SLC4A8: variants seen among roughly 807,000 people sequenced by gnomAD.
SLC4A8 encodes electroneutral sodium bicarbonate exchanger 1.
SLC4A8 carries 40 observed loss-of-function variants against 125.0 expected under a neutral mutation model. The ratio of observed to expected loss-of-function variants is 0.32; its 90% confidence interval spans 0.25 to 0.42. SLC4A8 has a LOEUF of 0.42. SLC4A8 is among the 10% of genes least tolerant of loss of function. The pLI is 1.00. For synonymous variants in SLC4A8, 456 were observed against 476.0 expected (o/e 0.96, Z 0.55); for missense variants, 863 against 1,355.1 (o/e 0.64, Z 5.70).
intron 7 of SLC4A8, among the ~76,000 whole-genome samples, chr12:51,458,875 G>A (rs1233120115): frequency 6.6e-6 from 1 of 152,174 alleles, no homozygotes; most frequent in Admixed American, 6.5e-5. Flanking sequence ...TCAACATACT[G>A]AAAACTGGGA....
chr12:51,481,924 A>G (rs2138365022), intron 16 of SLC4A8, among the ~76,000 whole-genome samples: 1 of 152,298 alleles, frequency 6.6e-6, no homozygotes, highest in Middle Eastern at 3.4e-3. Flanking sequence ...ACCGCACTCC[A>G]GCCTGGGCAA....
intron 1 of SLC4A8, among the ~76,000 whole-genome samples, chr12:51,410,914 G>A (rs547703308): frequency 1.6e-4 from 21 of 129,984 alleles, no homozygotes; most frequent in South Asian, 1.4e-3. Context: ...TCACTTTGTC[G>A]CCCAGGCTGG....
At chr12:51,493,086 GC>G (rs566771142) in intron 19 of SLC4A8, among the ~76,000 whole-genome samples, 96 of 152,054 alleles carry the variant, frequency 6.3e-4, no homozygotes, top group African/African-American at 2.2e-3. Context: ...GATTCTATAG[GC>G]CCAATTTCCC....
At chr12:51,489,298 T>C (rs924644573) in intron 18 of SLC4A8, among the ~76,000 whole-genome samples, 4 of 151,994 alleles carry the variant, frequency 2.6e-5, no homozygotes, top group African/African-American at 9.7e-5. Flanking sequence ...GCAAGCAATA[T>C]CCAAATCTGT....
chr12:51,447,249 AT>A (rs879841219), intron 2 of SLC4A8, among the ~76,000 whole-genome samples: 281 of 143,890 alleles, frequency 2.0e-3, no homozygotes, highest in Middle Eastern at 3.6e-3. Context: ...CACCTGTCTA[AT>A]TTTTTTTTTT....
chr12:51,392,310 A>G (rs1383790286), intron 1 of SLC4A8, among the ~76,000 whole-genome samples: 1 of 152,170 alleles, frequency 6.6e-6, no homozygotes, highest in South Asian at 2.1e-4. Flanking sequence ...GCGGTGGTTC[A>G]TGCCTGTAAT....
chr12:51,424,913 T>C lies in SLC4A8; in HGVS notation c.-75T>C, dbSNP rs1948908428. On this transcript the variant is annotated 5_prime_UTR_variant, in exon 1 of 25. Coordinates refer to ENST00000453097, the MANE Select transcript of SLC4A8 (RefSeq NM_001039960.3). ...GGGGGTCGCCGTTCGAGTGATCTGC[T>C]CAGACCCGACCAGAGGGCGCGGGCT... 1 of 1,503,500 alleles carries C rather than the reference T, an allele frequency of 6.7e-7. No homozygotes were observed. The highest frequency in any genetic ancestry group is 9.0e-7 in the Non-Finnish European group (1 of 1,105,268). The allele number at this position is 1,503,500 out of a possible 1,614,324, so 93.1% of individuals were successfully genotyped here.
intron 1 of SLC4A8, among the ~76,000 whole-genome samples, chr12:51,399,391 T>G (rs962648901): frequency 1.3e-5 from 2 of 152,242 alleles, no homozygotes; most frequent in African/African-American, 4.8e-5. Flanking sequence ...TACTGATTTC[T>G]TTTGATTCTT....
At chr12:51,425,168 C>T (rs933680768) in intron 1 of SLC4A8, 133 bp downstream of exon 1, 134 of 1,433,410 alleles carry the variant, frequency 9.3e-5, no homozygotes, top group Non-Finnish European at 1.1e-4. Context: ...GAGGCCAGCC[C>T]GGGACACCAG....
intron 1 of SLC4A8, among the ~76,000 whole-genome samples, chr12:51,438,078 G>A (rs1949476229): frequency 6.6e-6 from 1 of 152,138 alleles, no homozygotes. Flanking sequence ...TACATGTAAT[G>A]TATAGTGATC....
At chr12:51,416,216 T>TTTTG (rs1555185915) in intron 1 of SLC4A8, among the ~76,000 whole-genome samples, 6 of 146,588 alleles carry the variant, frequency 4.1e-5, no homozygotes, top group African/African-American at 1.0e-4. Flanking sequence ...CTTTTGTTTT[T>TTTTG]TTTTTTTTTT....
At chr12:51,422,861 C>T (rs1948822410), upstream of SLC4A8, among the ~76,000 whole-genome samples, 1 of 152,196 alleles carries the variant, frequency 6.6e-6, no homozygotes. Context: ...AATCCATGTC[C>T]TCTGTGAAAC....
In SLC4A8 at chr12:51,417,706, C is replaced by T. The variant is rs547690208; in HGVS notation, c.-111-23002C>T. Among the ~76,000 whole-genome samples the T allele has an allele frequency of 4.6e-5, 7 of 152,232 alleles. No individual in the cohort carries two copies. The East Asian group carries it at 5.8e-4, about 13-fold the overall frequency. On this transcript the variant is annotated intron_variant, in intron 1 of 24. Coordinates refer to the SLC4A8 transcript ENST00000358657. ...CTAATTTTTGTATTTTTAGTAGAGA[C>T]GGGGTTTCACTATGTTGGCCAGGCT...
At chr12:51,439,611 T>TA (rs572749873) in intron 1 of SLC4A8, among the ~76,000 whole-genome samples, 2,733 of 139,484 alleles carry the variant, frequency 0.02, 40 homozygotes, top group South Asian at 0.032. Flanking sequence ...GTTCCAGAAC[T>TA]AAAAAAAAAA....
intron 1 of SLC4A8, among the ~76,000 whole-genome samples, chr12:51,404,261 G>C (rs1416587970): frequency 1.3e-5 from 2 of 152,184 alleles, no homozygotes; most frequent in African/African-American, 4.8e-5. Flanking sequence ...TGCAAGAGAG[G>C]CTGGGGAGGT....
chr12:51,453,639 T>A lies in SLC4A8; in HGVS notation c.514T>A (p.Cys172Ser). Residue 172 changes from cysteine (C) to serine (S), a missense_variant, in exon 5 of 25, where the codon TGC (cysteine) becomes AGC (serine). This residue lies in a region of SLC4A8 where 390 missense variants were observed against 634.4 expected (regional missense o/e 0.61). Transcript: ENST00000453097. The part of the protein sequence containing the change: ...SLHSLFELRS[C>S]LINGTVLLDM... ...GCACAGCCTGTTTGAGCTAAGGAGC[T>A]GCCTTATTAATGGAACAGTCCTCCT... 6.2e-7 allele frequency: 1 copy of A among 1,614,196 alleles called. No individual in the cohort carries two copies. Among genetic ancestry groups the A allele is most frequent in the Non-Finnish European group, 8.5e-7 (1 of 1,180,002 alleles).
intron 21 of SLC4A8, 134 bp from the exon 22 acceptor site, chr12:51,496,853 G>T: frequency 2.5e-6 from 2 of 789,746 alleles, no homozygotes; most frequent in Non-Finnish European, 4.0e-6. Flanking sequence ...TTCAATAAAT[G>T]GTGACTGTTA....
Position 51,507,477 on chromosome 12 carries a change from C to T in SLC4A8, c.*39C>T, listed in dbSNP as rs745328233. On this transcript the variant is annotated 3_prime_UTR_variant, in exon 25 of 25. Coordinates refer to ENST00000453097, the MANE Select transcript of SLC4A8 (RefSeq NM_001039960.3). ...GATGGAAGATTTGGGCCGTGTGGTGCCTCAGGGAAGTTCTGGTTACAGAGA... is the reference window on the plus strand; with the variant it reads ...GATGGAAGATTTGGGCCGTGTGGTGTCTCAGGGAAGTTCTGGTTACAGAGA... 8.1e-6 allele frequency: 11 copies of T among 1,363,018 alleles called. No individual in the cohort carries two copies. Among genetic ancestry groups the T allele is most frequent in the Middle Eastern group, 2.0e-4 (1 of 5,126 alleles). 84.4% of individuals were successfully genotyped at this position (1,363,018 alleles called of 1,614,324 possible).
chr12:51,422,807 C>T (rs940369753), upstream of SLC4A8, among the ~76,000 whole-genome samples: 1 of 152,198 alleles, frequency 6.6e-6, no homozygotes, highest in African/African-American at 2.4e-5. Context: ...GCTCTTCTTA[C>T]CTTGGGTCAG....
Sources: allele counts gnomAD v4.1 joint callset (sites outside exome capture counted in the v4.1 genomes callset), GRCh38; gene constraint gnomAD v4.1.1; regional missense constraint gnomAD v4.1.1; transcripts MANE v1.5; gene names NCBI Gene and HGNC (gene_info 2026-07-23, HGNC 2026-07-21).